RBFOX2: variants seen among roughly 807,000 people sequenced by gnomAD.
The protein encoded by RBFOX2 is RNA binding fox-1 homolog 2.
RBFOX2 carries 10 observed loss-of-function variants against 49.1 expected under a neutral mutation model. That is an observed-to-expected ratio of 0.20 (90% CI 0.13 to 0.35). RBFOX2 has a LOEUF of 0.35. Ranked by LOEUF, RBFOX2 falls within the 10% of genes least tolerant of loss-of-function variation. RBFOX2 has a pLI of 1.00. For synonymous variants in RBFOX2, 183 were observed against 187.4 expected (o/e 0.98, Z 0.19); for missense variants, 323 against 486.9 (o/e 0.66, Z 3.17).
intron 9 of RBFOX2, among the ~76,000 whole-genome samples, chr22:35,750,785 A>G (rs1227529315): frequency 3.3e-5 from 5 of 152,238 alleles, no homozygotes; most frequent in African/African-American, 7.2e-5. Flanking sequence ...ACAACCGTAT[A>G]TTCTAATCCA....
chr22:35,904,701 AATTT>A (rs1316024333), intron 1 of RBFOX2, among the ~76,000 whole-genome samples: 1 of 152,126 alleles, frequency 6.6e-6, no homozygotes, highest in African/African-American at 2.4e-5. Context: ...CAAAACTATA[AATTT>A]ATTCTTCTCA....
At chr22:35,806,312 AAAC>A (rs1950722175) in intron 2 of RBFOX2, among the ~76,000 whole-genome samples, 1 of 152,046 alleles carries the variant, frequency 6.6e-6, no homozygotes, top group South Asian at 2.1e-4. Flanking sequence ...TTAAAAAAAA[AAAC>A]AACGTAAGAT....
intron 1 of RBFOX2, among the ~76,000 whole-genome samples, chr22:35,853,707 C>T (rs1254269307): frequency 7.6e-6 from 1 of 131,112 alleles, no homozygotes; most frequent in Admixed American, 8.4e-5. Context: ...GTGTGTGTAG[C>T]CATTAAGACA....
chr22:36,005,665 C>T (rs144983217), intron 1 of RBFOX2, among the ~76,000 whole-genome samples: 60 of 152,328 alleles, frequency 3.9e-4, no homozygotes, highest in African/African-American at 1.4e-3. Flanking sequence ...AGATAGGCAG[C>T]ACATGTGTTC....
intron 1 of RBFOX2, among the ~76,000 whole-genome samples, chr22:35,852,920 C>T (rs943352144): frequency 2.6e-5 from 4 of 152,140 alleles, no homozygotes; most frequent in African/African-American, 9.7e-5. Context: ...TTATTGAAGG[C>T]CTAGTCAATT....
chr22:35,809,119 C>T (rs541069417), intron 2 of RBFOX2, among the ~76,000 whole-genome samples: 207 of 150,808 alleles, frequency 1.4e-3, no homozygotes, highest in Non-Finnish European at 2.3e-3. Context: ...ACAGTAATAC[C>T]GGAAATAAGT....
chr22:35,776,591 T>C (rs1943963570), intron 4 of RBFOX2, among the ~76,000 whole-genome samples: 1 of 152,224 alleles, frequency 6.6e-6, no homozygotes, highest in African/African-American at 2.4e-5. Context: ...ATTTGGAGTA[T>C]GAAATTGGAG....
chr22:36,014,630 CAAGA>C (rs931547014), intron 1 of RBFOX2, among the ~76,000 whole-genome samples: 5 of 151,940 alleles, frequency 3.3e-5, no homozygotes, highest in South Asian at 4.1e-4. Flanking sequence ...ACACCAAACT[CAAGA>C]AAGTCAAATA....
At chr22:35,832,864 A>T (rs1331761515) in intron 1 of RBFOX2, among the ~76,000 whole-genome samples, 2 of 152,142 alleles carry the variant, frequency 1.3e-5, no homozygotes, top group Non-Finnish European at 2.9e-5. Context: ...AAGAAGAAGA[A>T]GTTCTAATAT....
chr22:35,758,246 A>G (rs553219785), intron 9 of RBFOX2, among the ~76,000 whole-genome samples: 2 of 152,334 alleles, frequency 1.3e-5, no homozygotes, highest in East Asian at 3.9e-4. Context: ...AAGATAAAAT[A>G]TCTTTGAGCA....
intron 1 of RBFOX2, among the ~76,000 whole-genome samples, chr22:35,953,140 G>A (rs1468340794): frequency 4.0e-5 from 6 of 150,182 alleles, no homozygotes; most frequent in Non-Finnish European, 7.4e-5. Context: ...GAACTTGGGA[G>A]GCAGAGCTTG....
At chr22:35,897,677 C>A (rs149460919) in intron 1 of RBFOX2, 35 of 1,268,300 alleles carry the variant, frequency 2.8e-5, no homozygotes, top group Middle Eastern at 1.9e-4. Context: ...GATACATCTA[C>A]GACGTATACT....
In RBFOX2 at chr22:35,792,730, G is replaced by A. The variant is rs564424847; in HGVS notation, c.253-10984C>T. 1.9e-4 allele frequency among the ~76,000 whole-genome samples: 29 copies of A among 152,228 alleles called. No individual in the cohort carries two copies. In the South Asian group the frequency reaches 5.8e-3, roughly 31 times the overall value. Reference sequence around the variant, plus strand: ...GCTGAGAGCTGAACCAGCGCAACCTGATTTACAGGCTCACACTCCCTAAAC... The same window carrying A: ...GCTGAGAGCTGAACCAGCGCAACCTAATTTACAGGCTCACACTCCCTAAAC... On this transcript the variant is annotated intron_variant, in intron 2 of 11. Coordinates refer to ENST00000405409, the Ensembl canonical transcript of RBFOX2.
chr22:35,864,858 G>A (rs1300926702), intron 1 of RBFOX2, among the ~76,000 whole-genome samples: 4 of 152,194 alleles, frequency 2.6e-5, no homozygotes, highest in African/African-American at 4.8e-5. Flanking sequence ...TTTTGACTAA[G>A]AGCTTCTAAA....
At chr22:35,745,544 T>C (rs2145773526) in intron 11 of RBFOX2, among the ~76,000 whole-genome samples, 1 of 152,348 alleles carries the variant, frequency 6.6e-6, no homozygotes, top group East Asian at 1.9e-4. Flanking sequence ...AAAAGCTTAC[T>C]GTGAATACTA....
At chr22:35,890,813 A>C (rs1020366147) in intron 1 of RBFOX2, among the ~76,000 whole-genome samples, 12 of 151,650 alleles carry the variant, frequency 7.9e-5, no homozygotes, top group African/African-American at 2.9e-4. Flanking sequence ...AAAATGAAAC[A>C]AAAAAAAATC....
intron 1 of RBFOX2, among the ~76,000 whole-genome samples, chr22:35,834,053 G>T (rs939285294): frequency 8.5e-5 from 13 of 152,294 alleles, no homozygotes; most frequent in African/African-American, 3.1e-4. Flanking sequence ...ATGAATCAGA[G>T]TCTCAACTAA....
chr22:35,908,541 A>G (rs2049387548), intron 1 of RBFOX2, among the ~76,000 whole-genome samples: 1 of 152,232 alleles, frequency 6.6e-6, no homozygotes, highest in African/African-American at 2.4e-5. Context: ...GATGGTTTCT[A>G]CTGAATGAAC....
intron 1 of RBFOX2, among the ~76,000 whole-genome samples, chr22:36,013,533 A>G (rs1276859126): frequency 6.6e-6 from 1 of 152,108 alleles, no homozygotes; most frequent in African/African-American, 2.4e-5. Flanking sequence ...TGAAGTGGAA[A>G]TGCTGGTACA....
Sources: allele counts gnomAD v4.1 joint callset (sites outside exome capture counted in the v4.1 genomes callset), GRCh38; gene constraint gnomAD v4.1.1; transcripts MANE v1.5; gene names NCBI Gene and HGNC (gene_info 2026-07-23, HGNC 2026-07-21).